Variants in GRAMD2B observed in about 807,000 individuals in gnomAD.
GRAMD2B encodes the protein GRAM domain containing 2B.
A neutral mutation model predicts 59.2 loss-of-function variants in GRAMD2B; 41 were observed. That is an observed-to-expected ratio of 0.69 (90% CI 0.54 to 0.90). GRAMD2B has a LOEUF of 0.90. GRAMD2B is among the 40% of genes least tolerant of loss of function. The probability of loss-of-function intolerance (pLI) is 0.00; values close to 1 mark genes in which losing one functional copy is unlikely to be tolerated. For synonymous variants in GRAMD2B, 161 were observed against 182.7 expected (o/e 0.88, Z 0.96); for missense variants, 424 against 500.5 (o/e 0.85, Z 1.46).
intron 1 of GRAMD2B, among the ~76,000 whole-genome samples, chr5:126,442,715 C>A (rs1291765812): frequency 2.0e-5 from 3 of 152,086 alleles, no homozygotes; most frequent in Non-Finnish European, 4.4e-5. Context: ...GTTTAAGGTA[C>A]CACGTACAAC....
chr5:126,472,119 A>G, intron 3 of GRAMD2B, 119 bp from the exon 4 acceptor site: 1 of 716,520 alleles, frequency 1.4e-6, no homozygotes, highest in South Asian at 1.7e-5. Context: ...CTGTAAGATC[A>G]GTGAGAAGGA....
chr5:126,371,597 G>A (rs1169481199), intron 1 of GRAMD2B: 10 of 1,266,240 alleles, frequency 7.9e-6, no homozygotes, highest in East Asian at 1.1e-4. Context: ...GGCCATCCAC[G>A]TCTGTCCCCC....
At chr5:126,411,615 A>G (rs1366190741) in intron 1 of GRAMD2B, among the ~76,000 whole-genome samples, 3 of 152,138 alleles carry the variant, frequency 2.0e-5, no homozygotes, top group African/African-American at 4.8e-5. Flanking sequence ...TGAATTTTAG[A>G]GTATTTTTTT....
At chr5:126,441,692 T>C (rs2149833069) in intron 1 of GRAMD2B, among the ~76,000 whole-genome samples, 1 of 152,334 alleles carries the variant, frequency 6.6e-6, no homozygotes, top group East Asian at 1.9e-4. Flanking sequence ...AGTCCTGGTA[T>C]AAGTTTTTTT....
At chr5:126,368,545 C>A (rs1754575650), upstream of GRAMD2B, among the ~76,000 whole-genome samples, 1 of 152,196 alleles carries the variant, frequency 6.6e-6, no homozygotes, top group African/African-American at 2.4e-5. Context: ...TGGCTCCAGC[C>A]CTCAGACAGG....
chr5:126,404,299 T>C (rs1758081106), intron 1 of GRAMD2B, among the ~76,000 whole-genome samples: 1 of 151,682 alleles, frequency 6.6e-6, no homozygotes, highest in African/African-American at 2.4e-5. Context: ...TGGTAGCTAG[T>C]AGAGGGAGTT....
Position 126,423,572 on chromosome 5 carries a change from C to T in GRAMD2B, c.-35C>T. ...ACGAGCCGGGGCAGAGCCAGGCGCGCGGAAGTCTGAAGGTGCCCTCCAGAC... is the reference window on the plus strand; with the variant it reads ...ACGAGCCGGGGCAGAGCCAGGCGCGTGGAAGTCTGAAGGTGCCCTCCAGAC... On this transcript the variant is annotated 5_prime_UTR_variant, in exon 1 of 14. Coordinates refer to ENST00000285689, the MANE Select transcript of GRAMD2B (RefSeq NM_023927.4). 4 of 1,601,458 alleles carry T rather than the reference C, an allele frequency of 2.5e-6. No homozygotes were observed. The highest frequency in any genetic ancestry group is 2.6e-6 in the Non-Finnish European group (3 of 1,174,868).
At chr5:126,368,704 A>G (rs770310314), upstream of GRAMD2B, among the ~76,000 whole-genome samples, 51 of 152,050 alleles carry the variant, frequency 3.4e-4, no homozygotes, top group Non-Finnish European at 6.5e-4. Context: ...AAGGCCTTTG[A>G]GTTTGTGACC....
At position 126,492,893 on chromosome 5, in the gene GRAMD2B, ACTT is replaced by A; in HGVS notation, c.1258-18_1258-16del. The A allele has an allele frequency of 7.9e-6, 12 of 1,514,264 alleles. No individual in the cohort carries two copies. The highest frequency in any genetic ancestry group is 1.1e-5 in the Non-Finnish European group (12 of 1,090,334). 93.8% of individuals were successfully genotyped at this position (1,514,264 alleles called of 1,614,324 possible). ...TACTCCATTCTATTTAATAATAGGA[ACTT>A]CTTTTCTTTTATTTCAAGATACAAA... is the stretch of plus-strand genomic sequence containing the variant. On this transcript the variant is annotated intron_variant, in intron 13 of 13. Coordinates refer to ENST00000285689, the MANE Select transcript of GRAMD2B (RefSeq NM_023927.4).
At chr5:126,431,912 C>G (rs1370290309) in intron 1 of GRAMD2B, among the ~76,000 whole-genome samples, 1 of 152,048 alleles carries the variant, frequency 6.6e-6, no homozygotes, top group East Asian at 1.9e-4. Context: ...GCTCTTCTTC[C>G]CTAATGGGGA....
intron 1 of GRAMD2B, among the ~76,000 whole-genome samples, chr5:126,449,488 C>T (rs1451096930): frequency 1.3e-5 from 2 of 151,746 alleles, no homozygotes; most frequent in Non-Finnish European, 2.9e-5. Context: ...CCTTTGAAAC[C>T]TCACAATCTG....
At chr5:126,392,057 A>G (rs1370953468) in intron 1 of GRAMD2B, among the ~76,000 whole-genome samples, 1 of 152,252 alleles carries the variant, frequency 6.6e-6, no homozygotes, top group Non-Finnish European at 1.5e-5. Flanking sequence ...AAAGACTGAC[A>G]TGCCTTTGCT....
intron 1 of GRAMD2B, among the ~76,000 whole-genome samples, chr5:126,394,241 G>C (rs543554776): frequency 7.9e-5 from 12 of 151,044 alleles, no homozygotes; most frequent in South Asian, 2.1e-4. Flanking sequence ...CGCCACTGCA[G>C]TCCAGCCCGG....
At chr5:126,422,995 T>TA (rs771107609), upstream of GRAMD2B, among the ~76,000 whole-genome samples, 1 of 146,604 alleles carries the variant, frequency 6.8e-6, no homozygotes, top group Non-Finnish European at 1.5e-5. Flanking sequence ...TATTCCCACA[T>TA]AAAAAATTGA....
At chr5:126,419,700 T>C (rs1759556052), upstream of GRAMD2B, among the ~76,000 whole-genome samples, 1 of 151,978 alleles carries the variant, frequency 6.6e-6, no homozygotes, top group African/African-American at 2.4e-5. Context: ...CCACCAAAGG[T>C]GTTATGTCTG....
At chr5:126,481,926 C>A (rs548750167) in intron 8 of GRAMD2B, among the ~76,000 whole-genome samples, 87 of 151,012 alleles carry the variant, frequency 5.8e-4, no homozygotes, top group Admixed American at 1.8e-3. Context: ...CGAGATCACG[C>A]CGCTGTACTC....
In GRAMD2B at chr5:126,436,389, C is replaced by T. The variant is rs563044757; in HGVS notation, c.83+12700C>T. ...TTAGGCCCGGTGCGGTGACTCACAC[C>T]TATAATCCCAGCACTTTGGGAGGCC... On this transcript the variant is annotated intron_variant, in intron 1 of 13. Transcript: ENST00000285689. Among the ~76,000 whole-genome samples the T allele has an allele frequency of 6.6e-5, 10 of 152,308 alleles. No homozygotes were observed. The East Asian group carries it at 1.9e-3, about 29-fold the overall frequency.
upstream of GRAMD2B, among the ~76,000 whole-genome samples, chr5:126,419,039 T>A (rs1759486598): frequency 6.6e-6 from 1 of 152,248 alleles, no homozygotes; most frequent in Non-Finnish European, 1.5e-5. Flanking sequence ...CATGTGATGA[T>A]ACTTACCTAT....
At chr5:126,387,639 T>G (rs1016203839) in intron 1 of GRAMD2B, among the ~76,000 whole-genome samples, 1 of 152,048 alleles carries the variant, frequency 6.6e-6, no homozygotes, top group Non-Finnish European at 1.5e-5. Context: ...GACCTGGCCC[T>G]GGCAGGCTTT....
Sources: gnomAD v4.1 joint callset for allele counts (sites outside exome capture counted in the v4.1 genomes callset) on GRCh38, gnomAD v4.1.1 for gene constraint, MANE v1.5 for transcripts, NCBI Gene and HGNC (gene_info 2026-07-23, HGNC 2026-07-21) for gene names.